The following SLC30A5 variants were observed in gnomAD, a reference collection of about 807,000 sequenced individuals.
The protein encoded by SLC30A5 is solute carrier family 30 member 5, also known as proton-coupled zinc antiporter SLC30A5.
Under a neutral mutation model 79.6 loss-of-function variants are expected in SLC30A5, and 33 were observed. That is an observed-to-expected ratio of 0.41 (90% confidence interval 0.31 to 0.55). The LOEUF (loss-of-function observed/expected upper bound fraction) is 0.55. SLC30A5 is among the 20% of genes least tolerant of loss of function. The pLI is 0.20. For missense variants in SLC30A5, 788 were observed against 928.1 expected, an observed-to-expected ratio of 0.85 and a Z score of 1.96; for synonymous variants, 299 against 319.7, an observed-to-expected ratio of 0.94 and a Z score of 0.69.
At chr5:69,119,876 C>T (rs1452414956) in intron 12 of SLC30A5, among the ~76,000 whole-genome samples, 5 of 151,690 alleles carry the variant, frequency 3.3e-5, no homozygotes, top group African/African-American at 7.3e-5. Flanking sequence ...AAAAATTAGC[C>T]GGGCATGATG....
Position 69,108,412 on chromosome 5 carries a change from C to T in SLC30A5, c.423C>T (p.Thr141=), listed in dbSNP as rs1032745239. 2.5e-6 allele frequency: 4 copies of T among 1,613,420 alleles called. No homozygotes were observed. Among genetic ancestry groups the T allele is most frequent in the Non-Finnish European group, 3.4e-6 (4 of 1,179,628 alleles). ...VVISLLSVLF[T]SSGGGPAKTR... ...TTTCACTACTCAGTGTTTTGTTCAC[C>T]AGTTCTGGAGGAGGACCAGCAAAGG... Residue 141 remains threonine, a synonymous_variant, in exon 5 of 16, where the codon ACC becomes ACT. Coordinates refer to ENST00000396591, the MANE Select transcript of SLC30A5 (RefSeq NM_022902.5).
chr5:69,116,333 G>C lies in SLC30A5; in HGVS notation c.1073-61G>C. On this transcript the variant is annotated intron_variant, in intron 9 of 15. Transcript: ENST00000396591. The surrounding 1 kb of genome is among the most constrained non-coding windows in gnomAD (Gnocchi z 4.0). ...CTTGCATTTAGTGCCGACAGTTACT[G>C]TGTTGGTTTTGGTAGCTTAAACTTC... 1.3e-6 allele frequency: 2 copies of C among 1,507,222 alleles called. No individual in the cohort carries two copies. Among genetic ancestry groups the C allele is most frequent in the East Asian group, 2.3e-5 (1 of 43,898 alleles). 93.4% of individuals were successfully genotyped at this position (1,507,222 alleles called of 1,614,324 possible). A position where few individuals can be genotyped will look rare whatever the true frequency, so the allele number is the denominator to read the frequency against.
chr5:69,125,812 A>C (rs6893921), intron 14 of SLC30A5, among the ~76,000 whole-genome samples: 1,674 of 91,040 alleles, frequency 0.018, 24 homozygotes, highest in African/African-American at 0.066. Flanking sequence ...CGGAGCTTGC[A>C]GTGAGCCGAG....
intron 3 of SLC30A5, chr5:69,104,396 C>T (rs1387341177): frequency 4.5e-6 from 5 of 1,106,184 alleles, no homozygotes; most frequent in Non-Finnish European, 5.8e-6. Flanking sequence ...CCTGCCTCGG[C>T]CTCACAAAGT....
chr5:69,098,114 G>A (rs914865374), intron 1 of SLC30A5, among the ~76,000 whole-genome samples: 1 of 152,054 alleles, frequency 6.6e-6, no homozygotes, highest in Non-Finnish European at 1.5e-5. Context: ...TCCCAGGCAT[G>A]AGCCACCATG....
chr5:69,104,517 G>T (rs1580169782), intron 3 of SLC30A5, 114 bp from the exon 4 acceptor site: 17 of 1,391,506 alleles, frequency 1.2e-5, no homozygotes, highest in Non-Finnish European at 1.6e-5. Context: ...AATATGTAAT[G>T]ATTTCACCTT....
intron 4 of SLC30A5, 168 bp downstream of exon 4, chr5:69,104,884 C>T (rs1265584165): frequency 1.8e-6 from 1 of 552,738 alleles, no homozygotes; most frequent in Non-Finnish European, 3.0e-6. Context: ...AGTTTCTGGA[C>T]TAGTTCTTTA....
chr5:69,110,636 G>A (rs2111964584), intron 5 of SLC30A5, among the ~76,000 whole-genome samples: 1 of 138,606 alleles, frequency 7.2e-6, no homozygotes, highest in East Asian at 2.3e-4. Context: ...AAAATTCTGA[G>A]CATAAAAGCA....
chr5:69,105,376 A>G (rs1415991544), intron 4 of SLC30A5, among the ~76,000 whole-genome samples: 1 of 152,180 alleles, frequency 6.6e-6, no homozygotes, highest in Non-Finnish European at 1.5e-5. Flanking sequence ...TGTAAGAAAA[A>G]ATGCCTTGCC....
chr5:69,111,755 G>T (rs1054786656), intron 5 of SLC30A5, among the ~76,000 whole-genome samples: 3 of 152,124 alleles, frequency 2.0e-5, no homozygotes, highest in Non-Finnish European at 4.4e-5. Context: ...AAAGTACATG[G>T]TTTTTCTCAT....
rs1746803669 is a variant in SLC30A5 at position 69,129,821 on chromosome 5, T to C, written c.*204T>C. The C allele has an allele frequency of 1.6e-5, 7 of 426,440 alleles. No homozygotes were observed. The allele number at this position is 426,440 out of a possible 1,614,324, so 26.4% of individuals were successfully genotyped here. A position where few individuals can be genotyped will look rare whatever the true frequency, so the allele number is the denominator to read the frequency against. ...AAGTGGAGTAATTATTTAAATTATG[T>C]GTATAAAAGGAATCAAATTTTGAGT... On this transcript the variant is annotated 3_prime_UTR_variant, in exon 16 of 16. Coordinates refer to ENST00000396591, the MANE Select transcript of SLC30A5 (RefSeq NM_022902.5).
At chr5:69,120,389 G>GC (rs757898936) in intron 12 of SLC30A5, among the ~76,000 whole-genome samples, 1 of 146,664 alleles carries the variant, frequency 6.8e-6, no homozygotes, top group Non-Finnish European at 1.5e-5. Flanking sequence ...GTCTCAAAAT[G>GC]AAAAAAAAAA....
rs181613379 is a variant in SLC30A5 at position 69,106,202 on chromosome 5, G to C, written c.359+1486G>C. On this transcript the variant is annotated intron_variant, in intron 4 of 15. Coordinates refer to ENST00000396591, the MANE Select transcript of SLC30A5 (RefSeq NM_022902.5). The stretch of plus-strand genomic sequence containing the variant: ...GTCAGATGCAGAGTAGGTATAATTG[G>C]AAATGTCATATCTCTAGCCACAGTA... 7.2e-4 allele frequency among the ~76,000 whole-genome samples: 110 copies of C among 152,292 alleles called. 1 individual carries two copies. Among genetic ancestry groups the C allele is most frequent in the Admixed American group, 5.0e-3 (76 of 15,294 alleles).
chr5:69,094,053 G>T lies in SLC30A5; in HGVS notation c.-203G>T. The T allele has an allele frequency of 2.5e-6, 1 of 395,614 alleles. No individual in the cohort carries two copies. Among genetic ancestry groups the T allele is most frequent in the Non-Finnish European group, 4.5e-6 (1 of 223,340 alleles). The allele number at this position is 395,614 out of a possible 1,614,324, so 24.5% of individuals were successfully genotyped here. On this transcript the variant is annotated 5_prime_UTR_variant, in exon 1 of 16. Transcript: ENST00000396591. ...TGCTTCCCGGGAACCTGGCGCCGCCGGAACTGATCGCGGCCTAGTCCCGAC... is the reference window on the plus strand; with the variant it reads ...TGCTTCCCGGGAACCTGGCGCCGCCTGAACTGATCGCGGCCTAGTCCCGAC...
chr5:69,125,950 G>A (rs1180485323), intron 14 of SLC30A5, among the ~76,000 whole-genome samples: 2 of 150,348 alleles, frequency 1.3e-5, no homozygotes, highest in African/African-American at 4.9e-5. Flanking sequence ...CTGAGTGGCT[G>A]AAGCATGAGA....
At chr5:69,102,992 C>T (rs931203488) in intron 2 of SLC30A5, 70 bp from the exon 3 acceptor site, 3 of 715,718 alleles carry the variant, frequency 4.2e-6, no homozygotes, top group Non-Finnish European at 6.9e-6. Flanking sequence ...AAATAAGTGT[C>T]TTTACTTAAA....
intron 12 of SLC30A5, among the ~76,000 whole-genome samples, chr5:69,121,200 A>G (rs1241886558): frequency 6.6e-6 from 1 of 152,182 alleles, no homozygotes; most frequent in Non-Finnish European, 1.5e-5. Context: ...CCTTTTTATT[A>G]TACTTGTTTT....
rs371524992 is a variant in SLC30A5, at chr5:69,123,411, A to G, written c.1984A>G (p.Ile662Val). 5 of 1,612,616 alleles carry G rather than the reference A, an allele frequency of 3.1e-6. No homozygotes were observed. The highest frequency in any genetic ancestry group is 4.2e-6 in the Non-Finnish European group (5 of 1,178,916). ...LPPEYEKELH[I>V]ALEKIQKIEG... ...ACCAGAATATGAAAAAGAACTACAT[A>G]TTGCTTTAGAAAAGGTACTGTATGT... The change falls in exon 14 of 16, where the codon ATT becomes GTT. Residue 662 changes from isoleucine (I) to valine (V), a missense_variant. Around this residue, in one of 3 missense-constraint regions of SLC30A5, gnomAD observed 158 missense variants for 156.2 expected, o/e 1.01. Transcript: ENST00000396591.
chr5:69,113,180 T>G lies in SLC30A5; in HGVS notation c.488T>G (p.Leu163Ter). The G allele has an allele frequency of 1.2e-6, 2 of 1,613,712 alleles. No homozygotes were observed. The highest frequency in any genetic ancestry group is 1.7e-6 in the Non-Finnish European group (2 of 1,179,856). Residue 163 changes from leucine (L) to a stop codon, truncating the protein, a stop_gained, in exon 6 of 16, where the codon TTA becomes TGA. Transcript: ENST00000396591. LOFTEE classifies it high-confidence loss of function. ...AAFFIIAVIC[L>*]LLFDNDDLMA... ...TTTTTCATTATTGCTGTGATCTGTT[T>G]ATTGCTTTTTGACAATGATGATCTC...
Sources: gnomAD v4.1 joint callset for allele counts (sites outside exome capture counted in the v4.1 genomes callset) on GRCh38, gnomAD v4.1.1 for gene constraint, gnomAD v4.1.1 regional missense constraint, Gnocchi (gnomAD v3.1) non-coding constraint, MANE v1.5 for transcripts, NCBI Gene and HGNC (gene_info 2026-07-23, HGNC 2026-07-21) for gene names.